Variants in GRAMD1B observed in about 807,000 individuals in gnomAD.
The protein encoded by GRAMD1B is GRAM domain containing 1B.
In GRAMD1B, 37 loss-of-function variants were observed where a neutral mutation model predicts 99.7. That is an observed-to-expected ratio of 0.37 (90% CI 0.29 to 0.49). The LOEUF (loss-of-function observed/expected upper bound fraction) is 0.49, where lower values mean the gene tolerates loss of function less well. Ranked by LOEUF, GRAMD1B falls within the 20% of genes least tolerant of loss-of-function variation. GRAMD1B has a pLI of 0.98. For synonymous variants in GRAMD1B, 427 were observed against 387.6 expected (o/e 1.10, Z -1.19); for missense variants, 888 against 1,009.2 (o/e 0.88, Z 1.63).
intron 2 of GRAMD1B, among the ~76,000 whole-genome samples, chr11:123,494,833 G>T (rs1204571430): frequency 1.3e-5 from 2 of 152,044 alleles, no homozygotes; most frequent in Non-Finnish European, 2.9e-5. Flanking sequence ...GGCAACTCGG[G>T]GGCTCAAAAC....
intron 17 of GRAMD1B, among the ~76,000 whole-genome samples, chr11:123,616,226 G>A (rs985021794): frequency 2.0e-5 from 3 of 152,220 alleles, no homozygotes; most frequent in Non-Finnish European, 4.4e-5. Context: ...GGAGGCTGAG[G>A]CAGGAGAATG....
intron 1 of GRAMD1B, among the ~76,000 whole-genome samples, chr11:123,477,824 G>T (rs1423568987): frequency 6.8e-6 from 1 of 146,032 alleles, no homozygotes; most frequent in Admixed American, 6.9e-5. Flanking sequence ...GCCCAGGCTG[G>T]AGTGTAGTGG....
At position 123,492,296 on chromosome 11, in the gene GRAMD1B, T is replaced by C. The variant is rs1168119177; in HGVS notation, c.452+11403T>C. On this transcript the variant is annotated intron_variant, in intron 2 of 19. Coordinates refer to ENST00000635736, the MANE Select transcript of GRAMD1B (RefSeq NM_001387025.1). The surrounding 1 kb of genome is among the most constrained non-coding windows in gnomAD (Gnocchi z 4.2). Reference sequence around the variant, plus strand: ...TAGGGAACAGTGTAGTCTGCCTGTGTAGCATCCCCTGGACAGGGGCGCTGG... The same window carrying C: ...TAGGGAACAGTGTAGTCTGCCTGTGCAGCATCCCCTGGACAGGGGCGCTGG... Among the ~76,000 whole-genome samples, 1 of 152,172 alleles carries C rather than the reference T, an allele frequency of 6.6e-6. No homozygotes were observed. The highest frequency in any genetic ancestry group is 2.4e-5 in the African/African-American group (1 of 41,460).
intron 1 of GRAMD1B, among the ~76,000 whole-genome samples, chr11:123,379,680 C>T (rs1222287033): frequency 1.3e-5 from 2 of 152,144 alleles, no homozygotes; most frequent in Non-Finnish European, 2.9e-5. Context: ...GTTTTCATTT[C>T]TCTGGGATAT....
chr11:123,423,117 T>A (rs1039778621), intron 1 of GRAMD1B, among the ~76,000 whole-genome samples: 1 of 152,124 alleles, frequency 6.6e-6, no homozygotes, highest in Non-Finnish European at 1.5e-5. Context: ...ATTGATTTGC[T>A]AGATTACCAG....
At chr11:123,512,226 C>G (rs78441043) in intron 2 of GRAMD1B, among the ~76,000 whole-genome samples, 1 of 152,174 alleles carries the variant, frequency 6.6e-6, no homozygotes, top group Non-Finnish European at 1.5e-5. Flanking sequence ...GCAGTTTGCT[C>G]TCTGGTGGGA....
At chr11:123,526,121 CG>C (rs1565329411) in intron 2 of GRAMD1B, 1 of 1,609,348 alleles carries the variant, frequency 6.2e-7, no homozygotes, top group East Asian at 2.2e-5. Context: ...GCTAAGGACA[CG>C]GTCAGTGGAT....
chr11:123,498,707 T>C (rs1939563139), intron 2 of GRAMD1B, among the ~76,000 whole-genome samples: 1 of 152,162 alleles, frequency 6.6e-6, no homozygotes, highest in African/African-American at 2.4e-5. Context: ...TGGTTAGACA[T>C]GGTTCTGAAG....
intron 4 of GRAMD1B, among the ~76,000 whole-genome samples, chr11:123,589,284 C>G (rs1950380851): frequency 6.6e-6 from 1 of 151,826 alleles, no homozygotes; most frequent in Admixed American, 6.6e-5. Flanking sequence ...CAGAGTGAGA[C>G]ATGCTACACC....
chr11:123,553,238 T>G (rs1033898958), intron 2 of GRAMD1B, among the ~76,000 whole-genome samples: 1 of 152,194 alleles, frequency 6.6e-6, no homozygotes, highest in Admixed American at 6.5e-5. Flanking sequence ...AGTGAACACT[T>G]AGAAAAGAAA....
At chr11:123,413,805 CT>C (rs982993720) in intron 1 of GRAMD1B, among the ~76,000 whole-genome samples, 7 of 152,044 alleles carry the variant, frequency 4.6e-5, no homozygotes, top group African/African-American at 1.7e-4. Context: ...CTGACTCATG[CT>C]TTTCAATTGC....
chr11:123,548,325 T>TATATATACACAC (rs1555067740), intron 2 of GRAMD1B, among the ~76,000 whole-genome samples: 5 of 86,902 alleles, frequency 5.8e-5, no homozygotes, highest in African/African-American at 2.6e-4. Flanking sequence ...TATATATATA[T>TATATATACACAC]ACACACACAC....
At chr11:123,615,932 G>A (rs1021208996) in intron 17 of GRAMD1B, among the ~76,000 whole-genome samples, 4 of 152,172 alleles carry the variant, frequency 2.6e-5, no homozygotes. Context: ...ACATAAGGTG[G>A]ACTCTTTCAC....
chr11:123,415,789 AC>A, intron 1 of GRAMD1B, among the ~76,000 whole-genome samples: 1 of 152,222 alleles, frequency 6.6e-6, no homozygotes, highest in Non-Finnish European at 1.5e-5. Context: ...CAAAATGGTG[AC>A]TTTGAAACTT....
chr11:123,593,553 T>C (rs564860383), intron 4 of GRAMD1B, among the ~76,000 whole-genome samples: 2 of 152,138 alleles, frequency 1.3e-5, no homozygotes, highest in Non-Finnish European at 2.9e-5. Context: ...TAATTCTCTA[T>C]CTCTGCGCTT....
At chr11:123,528,833 A>G (rs2714068) in intron 2 of GRAMD1B, among the ~76,000 whole-genome samples, 84,881 of 151,968 alleles carry the variant, frequency 0.56, 23,824 homozygotes, top group Middle Eastern at 0.63. Flanking sequence ...AGGTAGGGAA[A>G]TGGAGGCACA....
At chr11:123,489,971 G>A (rs1938360015) in intron 2 of GRAMD1B, among the ~76,000 whole-genome samples, 1 of 152,136 alleles carries the variant, frequency 6.6e-6, no homozygotes, top group African/African-American at 2.4e-5. Context: ...GAAGCTAGGA[G>A]TTTCAGACTA....
chr11:123,531,234 C>T (rs1019823074), intron 2 of GRAMD1B, among the ~76,000 whole-genome samples: 2 of 152,130 alleles, frequency 1.3e-5, no homozygotes, highest in Non-Finnish European at 2.9e-5. Context: ...GGACACTGAG[C>T]GCTGGTCATC....
At chr11:123,594,643 G>A in intron 5 of GRAMD1B, 92 bp from the exon 6 acceptor site, 1 of 735,054 alleles carries the variant, frequency 1.4e-6, no homozygotes. Flanking sequence ...GGCTCCCCCA[G>A]TGCTGGTGGG....
Sources: gnomAD v4.1 joint callset for allele counts (sites outside exome capture counted in the v4.1 genomes callset) on GRCh38, gnomAD v4.1.1 for gene constraint, Gnocchi (gnomAD v3.1) non-coding constraint, MANE v1.5 for transcripts, NCBI Gene and HGNC (gene_info 2026-07-23, HGNC 2026-07-21) for gene names.